Variants in VTA1 observed in about 807,000 individuals in gnomAD.
VTA1 encodes vacuolar protein sorting-associated protein VTA1 homolog.
In VTA1, 24 loss-of-function variants were observed where a neutral mutation model predicts 36.9. That is an observed-to-expected ratio of 0.65 (90% CI 0.47 to 0.91). VTA1 has a LOEUF of 0.91. VTA1 is among the 40% of genes least tolerant of loss of function. The pLI is 0.00. For synonymous variants in VTA1, 142 were observed against 130.2 expected (o/e 1.09, Z -0.62); for missense variants, 393 against 377.2 (o/e 1.04, Z -0.35).
chr6:142,194,083 A>G lies in VTA1; in HGVS notation c.521-4356A>G, dbSNP rs117488536. 3.0e-4 allele frequency among the ~76,000 whole-genome samples: 45 copies of G among 152,228 alleles called. 1 individual carries two copies. In the East Asian group the frequency reaches 7.7e-3, roughly 26 times the overall value. On this transcript the variant is annotated intron_variant, in intron 5 of 7. Transcript: ENST00000367630. ...AGGTCCAGTGATATGGGGCATGTCA[A>G]GATATTCATAGTAAGGTGATATTGT...
intron 4 of VTA1, among the ~76,000 whole-genome samples, chr6:142,188,687 G>A (rs1775393734): frequency 6.6e-6 from 1 of 152,102 alleles, no homozygotes. Flanking sequence ...CACTATAAAG[G>A]TCAGTGGAAA....
At chr6:142,216,256 TACTC>T (rs1776003192) in intron 7 of VTA1, among the ~76,000 whole-genome samples, 1 of 152,190 alleles carries the variant, frequency 6.6e-6, no homozygotes, top group Admixed American at 6.5e-5. Context: ...ATTTTTCGCT[TACTC>T]TGTTGAGTTT....
At chr6:142,174,762 C>T (rs1277125373) in intron 4 of VTA1, among the ~76,000 whole-genome samples, 1 of 152,012 alleles carries the variant, frequency 6.6e-6, no homozygotes, top group Non-Finnish European at 1.5e-5. Context: ...GGCTTGGTGC[C>T]CTCCCCATGG....
In VTA1 at chr6:142,158,875, G is replaced by A. The variant is rs1164994856; in HGVS notation, c.113-7353G>A. Among the ~76,000 whole-genome samples the A allele has an allele frequency of 3.9e-5, 6 of 151,990 alleles. 1 individual carries two copies. Among genetic ancestry groups the A allele is most frequent in the South Asian group, 4.1e-4 (2 of 4,820 alleles). On this transcript the variant is annotated intron_variant, in intron 1 of 7. Coordinates refer to ENST00000367630, the MANE Select transcript of VTA1 (RefSeq NM_016485.5). ...ATATACCACCTAATATTTAAGGAAAGATCTTTACTGTCTTTTCCCCTCTCA... is the reference window on the plus strand; with the variant it reads ...ATATACCACCTAATATTTAAGGAAAAATCTTTACTGTCTTTTCCCCTCTCA...
intron 7 of VTA1, among the ~76,000 whole-genome samples, chr6:142,211,126 G>T (rs923966416): frequency 6.6e-6 from 1 of 152,014 alleles, no homozygotes; most frequent in Non-Finnish European, 1.5e-5. Flanking sequence ...GGTGGATCTC[G>T]TGAAAATAGA....
intron 4 of VTA1, among the ~76,000 whole-genome samples, chr6:142,177,327 C>T (rs1052901366): frequency 3.9e-5 from 6 of 152,198 alleles, no homozygotes; most frequent in Non-Finnish European, 8.8e-5. Flanking sequence ...AATTCTGTCA[C>T]TCCATAACTG....
At chr6:142,174,372 G>A (rs964573992) in intron 4 of VTA1, among the ~76,000 whole-genome samples, 3 of 152,154 alleles carry the variant, frequency 2.0e-5, no homozygotes, top group East Asian at 1.9e-4. Flanking sequence ...GGGGCCTATC[G>A]TGCCTTTTTT....
At chr6:142,155,521 TG>T (rs1778646950) in intron 1 of VTA1, among the ~76,000 whole-genome samples, 1 of 152,204 alleles carries the variant, frequency 6.6e-6, no homozygotes, top group Admixed American at 6.5e-5. Flanking sequence ...AAGGTTTATA[TG>T]AAAGTGTGGA....
chr6:142,203,858 G>C (rs1775735900), intron 6 of VTA1, 127 bp from the exon 7 acceptor site: 1 of 705,232 alleles, frequency 1.4e-6, no homozygotes, highest in Non-Finnish European at 2.4e-6. Context: ...TGTCAAGTTA[G>C]AATCCATTGA....
intron 2 of VTA1, among the ~76,000 whole-genome samples, chr6:142,169,211 A>G (rs987832985): frequency 6.6e-6 from 1 of 152,218 alleles, no homozygotes; most frequent in Non-Finnish European, 1.5e-5. Flanking sequence ...GGTAACTTAT[A>G]GTTTGGGTAA....
intron 1 of VTA1, among the ~76,000 whole-genome samples, chr6:142,159,403 T>C (rs1774736458): frequency 6.6e-6 from 1 of 151,782 alleles, no homozygotes; most frequent in African/African-American, 2.4e-5. Context: ...TATATTGCAA[T>C]GTTCCAGAGT....
At chr6:142,214,000 T>G (rs638802) in intron 7 of VTA1, among the ~76,000 whole-genome samples, 57,823 of 149,826 alleles carry the variant, frequency 0.39, 13,063 homozygotes, top group Middle Eastern at 0.54. Flanking sequence ...GAAAACAGGG[T>G]TTTTTTTTTG....
chr6:142,163,345 A>T (rs1774846149), intron 1 of VTA1, among the ~76,000 whole-genome samples: 2 of 152,132 alleles, frequency 1.3e-5, no homozygotes, highest in African/African-American at 4.8e-5. Context: ...CCCTGCTGTC[A>T]TTCCCCCTTT....
intron 5 of VTA1, among the ~76,000 whole-genome samples, chr6:142,196,183 T>C (rs1224618921): frequency 1.3e-5 from 2 of 152,206 alleles, no homozygotes; most frequent in Non-Finnish European, 2.9e-5. Flanking sequence ...TGTTCCTGGT[T>C]ACGAATTCTA....
intron 5 of VTA1, among the ~76,000 whole-genome samples, chr6:142,190,119 A>T (rs1457632067): frequency 6.6e-6 from 1 of 152,190 alleles, no homozygotes; most frequent in African/African-American, 2.4e-5. Context: ...ATAATTTATA[A>T]AATGTTTTCA....
At chr6:142,149,267 T>C (rs747754815) in intron 1 of VTA1, among the ~76,000 whole-genome samples, 5 of 152,196 alleles carry the variant, frequency 3.3e-5, no homozygotes, top group Non-Finnish European at 7.3e-5. Flanking sequence ...TCATCAGGCT[T>C]ATGAAGAAAT....
intron 5 of VTA1, among the ~76,000 whole-genome samples, chr6:142,193,510 C>G (rs188146148): frequency 1.3e-5 from 2 of 152,038 alleles, no homozygotes; most frequent in African/African-American, 4.8e-5. Flanking sequence ...AGTTGGCACT[C>G]TATCATAAGG....
At chr6:142,182,193 A>G (rs1284102865) in intron 4 of VTA1, among the ~76,000 whole-genome samples, 2 of 152,146 alleles carry the variant, frequency 1.3e-5, no homozygotes, top group Non-Finnish European at 2.9e-5. Context: ...TTTGCATGTA[A>G]TTTGGAGGGT....
chr6:142,198,363 G>A, intron 5 of VTA1, 76 bp from the exon 6 acceptor site: 1 of 1,394,146 alleles, frequency 7.2e-7, no homozygotes, highest in Non-Finnish European at 9.7e-7. Flanking sequence ...TTTGTCATGT[G>A]TATAATGAAA....
Sources: gnomAD v4.1 joint callset for allele counts (sites outside exome capture counted in the v4.1 genomes callset) on GRCh38, gnomAD v4.1.1 for gene constraint, MANE v1.5 for transcripts, NCBI Gene and HGNC (gene_info 2026-07-23, HGNC 2026-07-21) for gene names.